RABGAP1L: variants seen among roughly 807,000 people sequenced by gnomAD.
RABGAP1L encodes the protein RAB GTPase activating protein 1 like, also known as rab GTPase-activating protein 1-like.
RABGAP1L carries 63 observed loss-of-function variants against 137.7 expected under a neutral mutation model. That is an observed-to-expected ratio of 0.46 (90% CI 0.37 to 0.56). The LOEUF is 0.56. RABGAP1L is among the 20% of genes least tolerant of loss of function. The probability of loss-of-function intolerance (pLI) is 0.00; values close to 1 mark genes in which losing one functional copy is unlikely to be tolerated. For synonymous variants in RABGAP1L, 431 were observed against 433.7 expected, an observed-to-expected ratio of 0.99 and a Z score of 0.08; for missense variants, 1,095 against 1,244.0, an observed-to-expected ratio of 0.88 and a Z score of 1.80.
intron 1 of RABGAP1L, among the ~76,000 whole-genome samples, chr1:174,188,008 C>T (rs1311858596): frequency 6.6e-6 from 1 of 152,242 alleles, no homozygotes; most frequent in Non-Finnish European, 1.5e-5. Flanking sequence ...AAAAGGAAGG[C>T]ATCATTTGTA....
rs543234773 is a variant in RABGAP1L at position 174,626,949 on chromosome 1, G to A, written c.1711-10426G>A. Among the ~76,000 whole-genome samples the A allele has an allele frequency of 2.4e-4, 36 of 152,322 alleles. No individual in the cohort carries two copies. The East Asian group carries it at 5.8e-3, about 24-fold the overall frequency. On this transcript the variant is annotated intron_variant, in intron 13 of 25. Transcript: ENST00000681986. ...CTGTGGAGTAAGAATAGAAGGCAAA[G>A]TCTGAGGTCAAAGAGTTTTTCAGCT...
chr1:174,561,170 C>G (rs996292565), intron 13 of RABGAP1L, among the ~76,000 whole-genome samples: 4 of 152,178 alleles, frequency 2.6e-5, no homozygotes, highest in Admixed American at 1.3e-4. Flanking sequence ...TCAGCAAAGT[C>G]TCAGGATACA....
chr1:174,843,333 C>T (rs1259614184), intron 19 of RABGAP1L, among the ~76,000 whole-genome samples: 5 of 150,236 alleles, frequency 3.3e-5, no homozygotes, highest in East Asian at 4.0e-4. Context: ...CCCACTAACT[C>T]GTCATCTAGC....
chr1:174,171,092 T>C (rs980830082), intron 1 of RABGAP1L, among the ~76,000 whole-genome samples: 2 of 152,204 alleles, frequency 1.3e-5, no homozygotes, highest in Non-Finnish European at 2.9e-5. Context: ...GTGGATCAGA[T>C]GATCTCTAGC....
intron 11 of RABGAP1L, among the ~76,000 whole-genome samples, chr1:174,353,744 C>T (rs919464144): frequency 6.6e-6 from 1 of 152,152 alleles, no homozygotes; most frequent in Admixed American, 6.5e-5. Flanking sequence ...CTCTGTCTTC[C>T]CCAAGTACAT....
intron 1 of RABGAP1L, among the ~76,000 whole-genome samples, chr1:174,177,448 A>C (rs1665980932): frequency 6.6e-6 from 1 of 152,056 alleles, no homozygotes; most frequent in Admixed American, 6.6e-5. Flanking sequence ...CACTCTGATG[A>C]TAGTTTCTTT....
In RABGAP1L at chr1:174,808,988, C is replaced by A. The variant is rs924128710; in HGVS notation, c.2212-2844C>A. On this transcript the variant is annotated intron_variant, in intron 18 of 25. Transcript: ENST00000681986. ...TCAAATACTTGTGATTAAAGATATT[C>A]CCATTTTTTAAATGGGAAAACTTAC... Among the ~76,000 whole-genome samples the A allele has an allele frequency of 6.6e-5, 10 of 152,156 alleles. No individual in the cohort carries two copies. The South Asian group carries it at 2.1e-3, about 32-fold the overall frequency.
At chr1:174,385,312 T>C (rs992528900) in intron 12 of RABGAP1L, among the ~76,000 whole-genome samples, 2 of 152,218 alleles carry the variant, frequency 1.3e-5, no homozygotes, top group Admixed American at 1.3e-4. Flanking sequence ...GTTTTTGGCT[T>C]GAGCTACTAG....
At chr1:174,466,793 C>T (rs774166341) in intron 13 of RABGAP1L, among the ~76,000 whole-genome samples, 1 of 151,824 alleles carries the variant, frequency 6.6e-6, no homozygotes, top group Non-Finnish European at 1.5e-5. Context: ...TCCCCGCCCC[C>T]GAAAAAAGAG....
intron 12 of RABGAP1L, among the ~76,000 whole-genome samples, chr1:174,374,527 A>AAT (rs57796228): frequency 0.35 from 53,370 of 151,842 alleles, 12,008 homozygotes; most frequent in African/African-American, 0.64. Context: ...CCTAGATATC[A>AAT]ATATATAGGT....
intron 19 of RABGAP1L, among the ~76,000 whole-genome samples, chr1:174,903,251 C>T (rs1658435603): frequency 6.6e-6 from 1 of 152,206 alleles, no homozygotes; most frequent in Non-Finnish European, 1.5e-5. Context: ...CCTAAAGCTT[C>T]AATGCCCAGA....
chr1:174,522,071 T>A (rs1447666723), intron 13 of RABGAP1L, among the ~76,000 whole-genome samples: 1 of 101,112 alleles, frequency 9.9e-6, no homozygotes, highest in Non-Finnish European at 1.8e-5. Flanking sequence ...AGAGCGAGAC[T>A]CTGTCTCAAA....
At chr1:174,460,240 TC>T (rs151093080) in intron 13 of RABGAP1L, among the ~76,000 whole-genome samples, 31,761 of 151,940 alleles carry the variant, frequency 0.21, 3,657 homozygotes, top group Admixed American at 0.25. Context: ...TTCCTTTTTT[TC>T]CTCCTCATTC....
chr1:174,663,158 C>G (rs1016638158), intron 14 of RABGAP1L, among the ~76,000 whole-genome samples: 70 of 152,334 alleles, frequency 4.6e-4, no homozygotes, highest in African/African-American at 1.6e-3. Context: ...TCACCCACCT[C>G]TCACTCACTG....
intron 1 of RABGAP1L, among the ~76,000 whole-genome samples, chr1:174,201,186 C>A (rs1247340433): frequency 6.6e-6 from 1 of 151,994 alleles, no homozygotes; most frequent in African/African-American, 2.4e-5. Context: ...GAACTCTTGG[C>A]CTCAAGCAGT....
chr1:174,509,834 A>G (rs891870601), intron 13 of RABGAP1L, among the ~76,000 whole-genome samples: 1 of 152,152 alleles, frequency 6.6e-6, no homozygotes, highest in African/African-American at 2.4e-5. Flanking sequence ...TCATGACACC[A>G]TCAGTCACTT....
chr1:174,497,637 T>C (rs1409652612), intron 13 of RABGAP1L, among the ~76,000 whole-genome samples: 3 of 152,136 alleles, frequency 2.0e-5, no homozygotes, highest in Non-Finnish European at 4.4e-5. Flanking sequence ...GAGCCTGTTC[T>C]TATGCTCCTC....
chr1:174,619,819 G>A (rs200204050), intron 13 of RABGAP1L, among the ~76,000 whole-genome samples: 1 of 152,162 alleles, frequency 6.6e-6, no homozygotes, highest in African/African-American at 2.4e-5. Flanking sequence ...TGGAATAAAT[G>A]CTCCAATTAA....
At chr1:174,427,725 A>C (rs1460138712) in intron 13 of RABGAP1L, among the ~76,000 whole-genome samples, 1 of 152,180 alleles carries the variant, frequency 6.6e-6, no homozygotes, top group Non-Finnish European at 1.5e-5. Context: ...CCTGGTGTTT[A>C]TTCTAGATAA....
Sources: gnomAD v4.1 joint callset for allele counts (sites outside exome capture counted in the v4.1 genomes callset) on GRCh38, gnomAD v4.1.1 for gene constraint, MANE v1.5 for transcripts, NCBI Gene and HGNC (gene_info 2026-07-23, HGNC 2026-07-21) for gene names.